KIZ: variants seen among roughly 807,000 people sequenced by gnomAD.
KIZ encodes the protein kizuna centrosomal protein, also known as centrosomal protein kizuna.
In KIZ, 68 loss-of-function variants were observed where a neutral mutation model predicts 79.6. The ratio of observed to expected loss-of-function variants is 0.85; its 90% CI spans 0.70 to 1.05. The LOEUF is 1.05. Ranked by LOEUF, KIZ falls within the 50% of genes least tolerant of loss-of-function variation. KIZ has a pLI of 0.00. For synonymous variants in KIZ, 280 were observed against 281.8 expected, an observed-to-expected ratio of 0.99 and a Z score of 0.06; for missense variants, 797 against 800.4, an observed-to-expected ratio of 1.00 and a Z score of 0.05.
chr20:21,232,716 TG>T lies in KIZ; in HGVS notation c.1784-17del. On this transcript the variant is annotated splice_polypyrimidine_tract_variant and intron_variant, in intron 10 of 12. Transcript: ENST00000619189. ...CATGACAGCTAACCCTCACTCTCCA[TG>T]TTTACGCTTATCACAGGTTTGAATA... 1 of 1,366,656 alleles carries T rather than the reference TG, an allele frequency of 7.3e-7. No individual in the cohort carries two copies. Among genetic ancestry groups the T allele is most frequent in the South Asian group, 1.2e-5 (1 of 81,814 alleles). 84.7% of individuals were successfully genotyped at this position (1,366,656 alleles called of 1,614,324 possible). A position where few individuals can be genotyped will look rare whatever the true frequency, so the allele number is the denominator to read the frequency against.
chr20:21,143,909 A>G (rs1343672975), intron 3 of KIZ, among the ~76,000 whole-genome samples: 4 of 152,190 alleles, frequency 2.6e-5, no homozygotes, highest in Non-Finnish European at 5.9e-5. Flanking sequence ...ATGGAAATCC[A>G]TGGTCCCAGG....
intron 4 of KIZ, among the ~76,000 whole-genome samples, chr20:21,158,247 A>G (rs1040763335): frequency 2.6e-5 from 4 of 152,228 alleles, no homozygotes; most frequent in African/African-American, 9.6e-5. Context: ...GTGAGTCAGA[A>G]TGTTGATTAA....
chr20:21,233,214 A>G (rs1409085269), intron 11 of KIZ, among the ~76,000 whole-genome samples: 3 of 152,262 alleles, frequency 2.0e-5, no homozygotes, highest in Non-Finnish European at 4.4e-5. Context: ...GATGGCTAAT[A>G]TATAAACTAG....
intron 6 of KIZ, among the ~76,000 whole-genome samples, chr20:21,178,467 A>G (rs2034524110): frequency 6.6e-6 from 1 of 151,420 alleles, no homozygotes; most frequent in Admixed American, 6.6e-5. Flanking sequence ...TAATTCTAAC[A>G]GTATGCATCT....
chr20:21,136,564 T>G lies in KIZ; in HGVS notation c.315+12T>G, dbSNP rs1167188462. ...TTCAAAAACTGAAGGTGACTTCCTG[T>G]TTTTTACTGTGTTTTATTTTATTTG... On this transcript the variant is annotated intron_variant, in intron 3 of 12. Coordinates refer to ENST00000619189, the MANE Select transcript of KIZ (RefSeq NM_018474.6). 1.3e-6 allele frequency: 2 copies of G among 1,525,530 alleles called. No homozygotes were observed. Among genetic ancestry groups the G allele is most frequent in the East Asian group, 2.3e-5 (1 of 43,348 alleles). 94.5% of individuals were successfully genotyped at this position (1,525,530 alleles called of 1,614,324 possible). A position where few individuals can be genotyped will look rare whatever the true frequency, so the allele number is the denominator to read the frequency against.
At chr20:21,244,318 C>A in intron 12 of KIZ, 30 bp downstream of exon 12, 2 of 1,534,018 alleles carry the variant, frequency 1.3e-6, no homozygotes, top group Non-Finnish European at 1.8e-6. Context: ...ACTAGATTTT[C>A]TTTTTCTGTT....
At chr20:21,207,773 G>A (rs1460297739) in intron 7 of KIZ, among the ~76,000 whole-genome samples, 3 of 151,804 alleles carry the variant, frequency 2.0e-5, no homozygotes, top group South Asian at 2.1e-4. Flanking sequence ...GTGCAATCTC[G>A]GCTCGCTGCC....
intron 9 of KIZ, among the ~76,000 whole-genome samples, chr20:21,223,159 GA>G (rs775526680): frequency 1.1e-3 from 161 of 152,304 alleles, no homozygotes; most frequent in Non-Finnish European, 6.6e-4. Flanking sequence ...GCTTTCTGAT[GA>G]AGATTACTCA....
intron 7 of KIZ, among the ~76,000 whole-genome samples, chr20:21,211,605 C>G (rs554408571): frequency 6.6e-6 from 1 of 152,264 alleles, no homozygotes; most frequent in East Asian, 1.9e-4. Flanking sequence ...ATTTGCAGAA[C>G]CCATTTAGTC....
At chr20:21,137,668 C>T (rs2032275477) in intron 3 of KIZ, among the ~76,000 whole-genome samples, 1 of 151,848 alleles carries the variant, frequency 6.6e-6, no homozygotes, top group Non-Finnish European at 1.5e-5. Context: ...AAGTCTGCTG[C>T]AGGCATCATG....
At chr20:21,169,730 C>G (rs944938685) in intron 6 of KIZ, among the ~76,000 whole-genome samples, 2 of 152,212 alleles carry the variant, frequency 1.3e-5, no homozygotes, top group Non-Finnish European at 2.9e-5. Flanking sequence ...TCTACTCACC[C>G]CTCTTCCTTT....
At chr20:21,131,497 A>G (rs1329366869) in intron 1 of KIZ, among the ~76,000 whole-genome samples, 1 of 152,240 alleles carries the variant, frequency 6.6e-6, no homozygotes, top group Non-Finnish European at 1.5e-5. Context: ...GGCTGTGCCC[A>G]GGCTTGTCTG....
intron 11 of KIZ, among the ~76,000 whole-genome samples, chr20:21,242,951 A>G (rs953744721): frequency 3.3e-5 from 5 of 152,058 alleles, no homozygotes; most frequent in Non-Finnish European, 7.4e-5. Context: ...CCCTCCTAGC[A>G]TTTTTATAAT....
chr20:21,153,493 A>G (rs2033221559), intron 4 of KIZ, among the ~76,000 whole-genome samples: 1 of 152,210 alleles, frequency 6.6e-6, no homozygotes, highest in South Asian at 2.1e-4. Flanking sequence ...ATGGCCAGAG[A>G]TATCTCTCGA....
intron 5 of KIZ, 69 bp downstream of exon 5, chr20:21,162,576 A>G: frequency 8.8e-7 from 1 of 1,141,274 alleles, no homozygotes; most frequent in Non-Finnish European, 1.2e-6. Flanking sequence ...AGGACAAAAT[A>G]TACTAATTAT....
At position 21,162,897 on chromosome 20, in the gene KIZ, A is replaced by T; in HGVS notation, c.1090A>T (p.Met364Leu). 6.2e-7 allele frequency: 1 copy of T among 1,613,668 alleles called. No individual in the cohort carries two copies. Among genetic ancestry groups the T allele is most frequent in the Non-Finnish European group, 8.5e-7 (1 of 1,179,772 alleles). Residue 364 changes from methionine (M) to leucine (L), a missense_variant, in exon 6 of 13, where the codon ATG (methionine) becomes TTG (leucine). Coordinates refer to ENST00000619189, the MANE Select transcript of KIZ (RefSeq NM_018474.6). The stretch of plus-strand genomic sequence containing the variant: ...AAAGTCACAAAAGCCCTTCAGAAAA[A>T]TGCAGGAAGAGGAGGAGGAAAGTTG... The part of the protein sequence containing the change: ...EPKSQKPFRK[M>L]QEEEEESWST...
At chr20:21,204,139 G>A (rs1288274784) in intron 6 of KIZ, among the ~76,000 whole-genome samples, 48 of 113,208 alleles carry the variant, frequency 4.2e-4, no homozygotes, top group Non-Finnish European at 7.3e-4. Flanking sequence ...TTTTTGAGAC[G>A]GAGTCTCTCT....
At chr20:21,174,369 CTGGCCCTCTG>C (rs1195938017) in intron 6 of KIZ, among the ~76,000 whole-genome samples, 2 of 152,174 alleles carry the variant, frequency 1.3e-5, no homozygotes, top group East Asian at 3.8e-4. Flanking sequence ...GTGCTCCAAA[CTGGCCCTCTG>C]TGACCAGAGT....
intron 6 of KIZ, among the ~76,000 whole-genome samples, chr20:21,192,761 T>C (rs139706893): frequency 3.3e-5 from 5 of 151,960 alleles, no homozygotes; most frequent in Non-Finnish European, 7.4e-5. Context: ...GGAGGGGAGA[T>C]GGGGAAAGCT....
Sources: allele counts gnomAD v4.1 joint callset (sites outside exome capture counted in the v4.1 genomes callset), GRCh38; gene constraint gnomAD v4.1.1; transcripts MANE v1.5; gene names NCBI Gene and HGNC (gene_info 2026-07-23, HGNC 2026-07-21).